Variants in CADPS2 observed in about 807,000 individuals in gnomAD.
CADPS2 encodes calcium-dependent secretion activator 2.
Under a neutral mutation model 172.5 loss-of-function variants are expected in CADPS2, and 93 were observed. The observed-to-expected ratio is 0.54, with a 90% CI of 0.46 to 0.64. The LOEUF (loss-of-function observed/expected upper bound fraction) is 0.64. CADPS2 is among the 30% of genes least tolerant of loss of function. The probability of loss-of-function intolerance (pLI) is 0.00; values close to 1 mark genes in which losing one functional copy is unlikely to be tolerated. For missense variants in CADPS2, 1,420 were observed against 1,565.9 expected, an observed-to-expected ratio of 0.91 and a Z score of 1.57; for synonymous variants, 546 against 555.2, an observed-to-expected ratio of 0.98 and a Z score of 0.23.
intron 1 of CADPS2, among the ~76,000 whole-genome samples, chr7:122,829,667 C>A (rs2140544416): frequency 6.6e-6 from 1 of 152,292 alleles, no homozygotes; most frequent in East Asian, 1.9e-4. Context: ...CAGCTTCCAT[C>A]ATTTCATGTA....
chr7:122,376,540 G>C (rs1478973192), intron 25 of CADPS2, among the ~76,000 whole-genome samples: 1 of 152,130 alleles, frequency 6.6e-6, no homozygotes, highest in East Asian at 1.9e-4. Context: ...AACAGAAGCA[G>C]AGGGTAAAAT....
In CADPS2 at chr7:122,768,548, TCAGA is replaced by T. The variant is rs540179089; in HGVS notation, c.340-31484_340-31481del. 1.8e-3 allele frequency among the ~76,000 whole-genome samples: 268 copies of T among 152,088 alleles called. 1 individual carries two copies. The highest frequency in any genetic ancestry group is 3.4e-3 in the Middle Eastern group (1 of 294). On this transcript the variant is annotated intron_variant, in intron 1 of 29. Transcript: ENST00000449022. ...TTCAGTAGTGATCTTTAAAACCGTATCAGACAAAGAGGATTCTGACTTTCTAAAT... is the reference window on the plus strand; with the variant it reads ...TTCAGTAGTGATCTTTAAAACCGTATCAAAGAGGATTCTGACTTTCTAAAT...
intron 2 of CADPS2, among the ~76,000 whole-genome samples, chr7:122,709,088 C>T (rs1417114119): frequency 6.6e-6 from 1 of 152,000 alleles, no homozygotes; most frequent in Non-Finnish European, 1.5e-5. Context: ...TAAATCACCA[C>T]CAGCAATTGT....
intron 2 of CADPS2, among the ~76,000 whole-genome samples, chr7:122,688,570 G>C (rs2135982785): frequency 6.6e-6 from 1 of 152,306 alleles, no homozygotes; most frequent in South Asian, 2.1e-4. Flanking sequence ...CTCTGTCTCA[G>C]CTGTTTGAGC....
At position 122,886,221 on chromosome 7, in the gene CADPS2, T is replaced by C. The variant is rs1348246629; in HGVS notation, c.117A>G (p.Glu39=). The C allele has an allele frequency of 3.4e-6, 5 of 1,479,376 alleles. No individual in the cohort carries two copies. The highest frequency in any genetic ancestry group is 4.4e-6 in the Non-Finnish European group (5 of 1,124,662). 91.6% of individuals were successfully genotyped at this position (1,479,376 alleles called of 1,614,324 possible). Residue 39 remains glutamate, a synonymous_variant, in exon 1 of 30, where the codon GAA becomes GAG. Transcript: ENST00000449022. ...SQRAPPAPTR[E]GRRDAPGRAG... ...CGCGCCCCGGCGCGTCCCGCCGCCC[T>C]TCCCGAGTCGGGGCTGGAGGAGCTC...
intron 7 of CADPS2, among the ~76,000 whole-genome samples, chr7:122,569,260 A>T (rs1187324210): frequency 6.6e-6 from 1 of 152,148 alleles, no homozygotes; most frequent in African/African-American, 2.4e-5. Flanking sequence ...GAGCCAAATC[A>T]TGAGTGAACT....
chr7:122,649,748 T>C (rs559106792), intron 3 of CADPS2, among the ~76,000 whole-genome samples: 38 of 152,278 alleles, frequency 2.5e-4, no homozygotes, highest in African/African-American at 8.4e-4. Context: ...CTATATGATT[T>C]ATACATCTAT....
intron 2 of CADPS2, among the ~76,000 whole-genome samples, chr7:122,690,590 A>G (rs1375832752): frequency 6.6e-6 from 1 of 152,214 alleles, no homozygotes; most frequent in East Asian, 1.9e-4. Context: ...GGCAGGTAAT[A>G]ACAGATTATC....
At chr7:122,619,825 T>A (rs548162329) in intron 5 of CADPS2, among the ~76,000 whole-genome samples, 1 of 152,176 alleles carries the variant, frequency 6.6e-6, no homozygotes, top group Non-Finnish European at 1.5e-5. Flanking sequence ...GACATCCTTA[T>A]GTCAAAAGGC....
intron 3 of CADPS2, among the ~76,000 whole-genome samples, chr7:122,633,867 A>G (rs1163928323): frequency 2.6e-5 from 4 of 152,154 alleles, no homozygotes; most frequent in Non-Finnish European, 5.9e-5. Context: ...TGTTTCTTCA[A>G]TACCTAGCCT....
chr7:122,671,940 C>T (rs2081910551), intron 2 of CADPS2, among the ~76,000 whole-genome samples: 1 of 152,002 alleles, frequency 6.6e-6, no homozygotes, highest in Admixed American at 6.6e-5. Context: ...CTATTATATG[C>T]TCATATACGA....
At chr7:122,792,271 A>G (rs1488282335) in intron 1 of CADPS2, among the ~76,000 whole-genome samples, 3 of 152,120 alleles carry the variant, frequency 2.0e-5, no homozygotes, top group Non-Finnish European at 1.5e-5. Flanking sequence ...AAGTGACGGT[A>G]TTTGGAGGTG....
chr7:122,461,151 A>G (rs1008921080), intron 14 of CADPS2, among the ~76,000 whole-genome samples: 1 of 152,208 alleles, frequency 6.6e-6, no homozygotes, highest in African/African-American at 2.4e-5. Context: ...CCTCAACTGG[A>G]AGACAGAATT....
At chr7:122,369,127 TCCCCC>T (rs68130351) in intron 25 of CADPS2, among the ~76,000 whole-genome samples, 2 of 49,768 alleles carry the variant, frequency 4.0e-5, no homozygotes, top group African/African-American at 7.0e-5. Flanking sequence ...AATTTTTGTT[TCCCCC>T]CCCCCCCCCC....
rs572982414 is a variant in CADPS2 at position 122,754,479 on chromosome 7, T to C, written c.340-17411A>G. Among the ~76,000 whole-genome samples the C allele has an allele frequency of 5.3e-5, 8 of 152,250 alleles. No individual in the cohort carries two copies. In the East Asian group the frequency reaches 1.5e-3, roughly 29 times the overall value. ...ACTTTTGTTTTCATGAAATGTCTTT[T>C]TTCTTTTTTTCTTTTTGAAATGGAG... On this transcript the variant is annotated intron_variant, in intron 1 of 29. Coordinates refer to ENST00000449022, the MANE Select transcript of CADPS2 (RefSeq NM_017954.11).
chr7:122,671,222 T>C (rs1037578188), intron 2 of CADPS2, among the ~76,000 whole-genome samples: 1 of 152,214 alleles, frequency 6.6e-6, no homozygotes, highest in Admixed American at 6.5e-5. Flanking sequence ...TCAAAGACTG[T>C]TTCATTCACC....
chr7:122,783,790 A>C (rs1005876512), intron 1 of CADPS2, among the ~76,000 whole-genome samples: 1 of 152,220 alleles, frequency 6.6e-6, no homozygotes, highest in Non-Finnish European at 1.5e-5. Flanking sequence ...TAGCCTTAAG[A>C]CCACATGAGT....
chr7:122,399,005 T>C (rs1417381085), intron 20 of CADPS2, among the ~76,000 whole-genome samples: 1 of 152,172 alleles, frequency 6.6e-6, no homozygotes, highest in Non-Finnish European at 1.5e-5. Context: ...TATTTGGTAA[T>C]ATTAATGTAT....
At position 122,571,402 on chromosome 7, in the gene CADPS2, C is replaced by T. The variant is rs535582381; in HGVS notation, c.1335+9777G>A. On this transcript the variant is annotated intron_variant, in intron 7 of 29. Coordinates refer to ENST00000449022, the MANE Select transcript of CADPS2 (RefSeq NM_017954.11). Reference sequence around the variant, plus strand: ...TGAGGAAATAGTAAAATGTCAACTACTTTTACTATAATCACCTACAAAGGA... The same window carrying T: ...TGAGGAAATAGTAAAATGTCAACTATTTTTACTATAATCACCTACAAAGGA... Among the ~76,000 whole-genome samples, 3 of 152,240 alleles carry T rather than the reference C, an allele frequency of 2.0e-5. No homozygotes were observed. In the East Asian group the frequency reaches 5.8e-4, roughly 29 times the overall value.
Sources: gnomAD v4.1 joint callset for allele counts (sites outside exome capture counted in the v4.1 genomes callset) on GRCh38, gnomAD v4.1.1 for gene constraint, MANE v1.5 for transcripts, NCBI Gene and HGNC (gene_info 2026-07-23, HGNC 2026-07-21) for gene names.